The following FANCC variants were observed in gnomAD, a reference collection of about 807,000 sequenced individuals.
FANCC encodes Fanconi anemia group C protein.
A neutral mutation model predicts 71.3 loss-of-function variants in FANCC; 55 were observed. The ratio of observed to expected loss-of-function variants is 0.77; its 90% CI spans 0.62 to 0.97. The LOEUF (loss-of-function observed/expected upper bound fraction) is 0.97, where lower values mean the gene tolerates loss of function less well. Among genes scored for constraint, FANCC ranks in the 50% least tolerant of loss-of-function variants. FANCC has a pLI of 0.00. For synonymous variants in FANCC, 275 were observed against 244.9 expected (o/e 1.12, Z -1.15); for missense variants, 678 against 670.9 (o/e 1.01, Z -0.12).
At chr9:95,127,651 A>C (rs1425936752) in intron 8 of FANCC, among the ~76,000 whole-genome samples, 1 of 152,182 alleles carries the variant, frequency 6.6e-6, no homozygotes, top group Non-Finnish European at 1.5e-5. Context: ...CGCTATTGGA[A>C]ATTCAAGTCA....
intron 13 of FANCC, chr9:95,110,518 T>G (rs1045813707): frequency 1.9e-5 from 20 of 1,030,738 alleles, no homozygotes; most frequent in Non-Finnish European, 2.2e-5. Flanking sequence ...GTTATAATTT[T>G]TTCACAAAGC....
intron 4 of FANCC, among the ~76,000 whole-genome samples, chr9:95,211,518 G>A (rs1219116991): frequency 6.6e-6 from 1 of 152,158 alleles, no homozygotes; most frequent in African/African-American, 2.4e-5. Context: ...CCTGGAGAAA[G>A]GCCACTATAG....
At chr9:95,261,605 T>C (rs575299048) in intron 1 of FANCC, among the ~76,000 whole-genome samples, 1 of 152,310 alleles carries the variant, frequency 6.6e-6, no homozygotes, top group African/African-American at 2.4e-5. Context: ...TTTTAGTGCA[T>C]TTACCCAGTC....
chr9:95,296,302 A>T (rs1337626979), intron 1 of FANCC, among the ~76,000 whole-genome samples: 3 of 152,232 alleles, frequency 2.0e-5, no homozygotes, highest in Admixed American at 6.5e-5. Flanking sequence ...AAGAGGTTTC[A>T]TTGCCTGAAA....
intron 14 of FANCC, among the ~76,000 whole-genome samples, 197 bp from the exon 15 acceptor site, chr9:95,102,047 C>T (rs1040985046): frequency 1.3e-5 from 2 of 152,218 alleles, no homozygotes; most frequent in African/African-American, 4.8e-5. Context: ...GCTGGCTACA[C>T]AGTGAGCGGT....
chr9:95,240,715 G>C lies in FANCC; in HGVS notation c.279C>G (p.Cys93Trp). The change falls in exon 4 of 15, where the codon TGC becomes TGG. Residue 93 changes from cysteine to tryptophan, a missense_variant. Physicochemically the swap from Cys to Trp is radical, Grantham distance 215. Coordinates refer to ENST00000289081, the MANE Select transcript of FANCC (RefSeq NM_000136.3). Reference sequence around the variant, plus strand: ...GTTCTTTGTTAATTAGACAACATAAGCACCATATTAGAATTTTTTGGCTTT... The same window carrying C: ...GTTCTTTGTTAATTAGACAACATAACCACCATATTAGAATTTTTTGGCTTT... ...YDESQKILIWCLCCLINKEPQ... is the reference protein window; with the variant it reads ...YDESQKILIWWLCCLINKEPQ... 6.2e-7 allele frequency: 1 copy of C among 1,612,586 alleles called. No individual in the cohort carries two copies. Among genetic ancestry groups the C allele is most frequent in the Non-Finnish European group, 8.5e-7 (1 of 1,179,180 alleles).
At chr9:95,291,283 C>A (rs540175392) in intron 1 of FANCC, among the ~76,000 whole-genome samples, 3 of 152,218 alleles carry the variant, frequency 2.0e-5, no homozygotes, top group African/African-American at 7.2e-5. Flanking sequence ...GGAAGTTAAA[C>A]TGTCTATGTT....
At chr9:95,180,804 T>C (rs896624947) in intron 4 of FANCC, among the ~76,000 whole-genome samples, 1 of 152,186 alleles carries the variant, frequency 6.6e-6, no homozygotes, top group Non-Finnish European at 1.5e-5. Flanking sequence ...AGGATGTTTG[T>C]TTACCTAGAA....
chr9:95,289,947 T>C (rs781111388), intron 1 of FANCC, among the ~76,000 whole-genome samples: 1 of 152,188 alleles, frequency 6.6e-6, no homozygotes, highest in African/African-American at 2.4e-5. Flanking sequence ...ACATGATCCA[T>C]TGTGCCCAGC....
At chr9:95,158,446 G>A (rs1830564902) in intron 6 of FANCC, among the ~76,000 whole-genome samples, 1 of 151,986 alleles carries the variant, frequency 6.6e-6, no homozygotes, top group South Asian at 2.1e-4. Context: ...AGAACAGGAA[G>A]AACAATTTAG....
At chr9:95,160,287 C>A (rs1830669188) in intron 6 of FANCC, among the ~76,000 whole-genome samples, 1 of 152,120 alleles carries the variant, frequency 6.6e-6, no homozygotes, top group Non-Finnish European at 1.5e-5. Context: ...AATAGGGAAT[C>A]CTTTCCCCAT....
chr9:95,139,048 C>T (rs917649854), intron 7 of FANCC, among the ~76,000 whole-genome samples: 4 of 152,170 alleles, frequency 2.6e-5, no homozygotes, highest in Admixed American at 6.5e-5. Flanking sequence ...AAGGAATCGC[C>T]GAAGCAGTAT....
chr9:95,246,275 T>A (rs1830973785), intron 3 of FANCC, among the ~76,000 whole-genome samples: 2 of 152,102 alleles, frequency 1.3e-5, no homozygotes, highest in South Asian at 4.2e-4. Context: ...GAGGGTGGGG[T>A]AGAGTGAGGG....
At chr9:95,217,049 C>A (rs1398757871) in intron 4 of FANCC, among the ~76,000 whole-genome samples, 1 of 152,122 alleles carries the variant, frequency 6.6e-6, no homozygotes, top group Non-Finnish European at 1.5e-5. Flanking sequence ...CTGAAACAAA[C>A]CAAATTCAGA....
At chr9:95,213,420 T>C (rs1255463623) in intron 4 of FANCC, among the ~76,000 whole-genome samples, 1 of 151,816 alleles carries the variant, frequency 6.6e-6, no homozygotes, top group Non-Finnish European at 1.5e-5. Flanking sequence ...AAAGCTACAG[T>C]AATAAAAAAC....
intron 4 of FANCC, among the ~76,000 whole-genome samples, chr9:95,178,504 C>T (rs1259003834): frequency 6.6e-6 from 1 of 152,234 alleles, no homozygotes; most frequent in Non-Finnish European, 1.5e-5. Flanking sequence ...ACCTTCCGGT[C>T]TCTTCCTCCT....
Position 95,101,859 on chromosome 9 carries a change from A to G in FANCC, c.1534-9T>C, listed in dbSNP as rs536836859. 4.0e-5 allele frequency: 65 copies of G among 1,613,854 alleles called. No individual in the cohort carries two copies. In the South Asian group the frequency reaches 7.0e-4, roughly 17 times the overall value. The stretch of plus-strand genomic sequence containing the variant: ...TCAGCAGTGTGAGCCATCTGCAATC[A>G]GGACAGAAGAGAAGGCAAATTAAAA... On this transcript the variant is annotated splice_polypyrimidine_tract_variant and intron_variant, in intron 14 of 14. Transcript: ENST00000289081.
intron 1 of FANCC, chr9:95,294,830 G>C: frequency 6.6e-7 from 1 of 1,514,798 alleles, no homozygotes; most frequent in Non-Finnish European, 8.8e-7. Context: ...TGGAGTCCAT[G>C]TGTGAGACGG....
chr9:95,135,381 T>A lies in FANCC; in HGVS notation c.808A>T (p.Arg270Ter), dbSNP rs776054094. 6.2e-7 allele frequency: 1 copy of A among 1,614,148 alleles called. No individual in the cohort carries two copies. The highest frequency in any genetic ancestry group is 8.5e-7 in the Non-Finnish European group (1 of 1,180,020). ...KLISSERNCL[R>*]RIECFIKDSS... ...TCTTTTATAAAGCATTCGATCCTTC[T>A]CAGACAATTTCTCTCACTGGAGATT... The change falls in exon 8 of 15, where the codon AGA becomes TGA. Residue 270 changes from arginine to a stop codon, truncating the protein, a stop_gained. Coordinates refer to ENST00000289081, the MANE Select transcript of FANCC (RefSeq NM_000136.3). LOFTEE classifies it high-confidence loss of function.
Sources: gnomAD v4.1 joint callset for allele counts (sites outside exome capture counted in the v4.1 genomes callset) on GRCh38, gnomAD v4.1.1 for gene constraint, MANE v1.5 for transcripts, NCBI Gene and HGNC (gene_info 2026-07-23, HGNC 2026-07-21) for gene names.